Variants in TRAPPC12 observed in about 807,000 individuals in gnomAD.
TRAPPC12 encodes the protein trafficking protein particle complex subunit 12.
Under a neutral mutation model 69.2 loss-of-function variants are expected in TRAPPC12, and 61 were observed. The ratio of observed to expected loss-of-function variants is 0.88; its 90% CI spans 0.72 to 1.09. The LOEUF is 1.09. Ranked by LOEUF, TRAPPC12 falls within the 50% of genes least tolerant of loss-of-function variation. TRAPPC12 has a pLI of 0.00. For synonymous variants in TRAPPC12, 469 were observed against 438.9 expected (o/e 1.07, Z -0.86); for missense variants, 1,101 against 1,016.4 (o/e 1.08, Z -1.13).
chr2:3,419,063 G>T (rs112144781), intron 3 of TRAPPC12, among the ~76,000 whole-genome samples: 1 of 152,072 alleles, frequency 6.6e-6, no homozygotes, highest in East Asian at 1.9e-4. Context: ...GCCTGCTCTC[G>T]CCTTGTTTTG....
At position 3,466,538 on chromosome 2, in the gene TRAPPC12, C is replaced by T. The variant is rs4246576; in HGVS notation, c.1776+843C>T. ...GGGGAAGCTAGAATTTGAACAGGGCCTCTGTGAACTCAGGGCCTGCACTCT... is the reference window on the plus strand; with the variant it reads ...GGGGAAGCTAGAATTTGAACAGGGCTTCTGTGAACTCAGGGCCTGCACTCT... On this transcript the variant is annotated intron_variant, in intron 9 of 11. Transcript: ENST00000324266. The T allele has an allele frequency of 5.6e-3, 2,216 of 397,066 alleles. 17 individuals are homozygous for T. The highest frequency in any genetic ancestry group is 9.7e-3 in the Non-Finnish European group (1,838 of 188,918). 24.6% of individuals were successfully genotyped at this position (397,066 alleles called of 1,614,324 possible).
chr2:3,465,754 T>C (rs1446629287), intron 9 of TRAPPC12, 59 bp downstream of exon 9: 1 of 1,121,956 alleles, frequency 8.9e-7, no homozygotes, highest in African/African-American at 1.5e-5. Flanking sequence ...TTTGCTCAGA[T>C]GGGCGACTGT....
In TRAPPC12 at chr2:3,471,603, A is replaced by G. The variant is rs569474896; in HGVS notation, c.1776+5908A>G. On this transcript the variant is annotated intron_variant, in intron 9 of 11. Coordinates refer to ENST00000324266, the MANE Select transcript of TRAPPC12 (RefSeq NM_016030.6). ...GTGGGAATTTCCAGTTCTGAAGGAAATCTGTGTTGTAAGCAAGATTGAAGT... is the reference window on the plus strand; with the variant it reads ...GTGGGAATTTCCAGTTCTGAAGGAAGTCTGTGTTGTAAGCAAGATTGAAGT... Among the ~76,000 whole-genome samples the G allele has an allele frequency of 3.0e-4, 46 of 152,318 alleles. No homozygotes were observed. In the South Asian group the frequency reaches 8.9e-3, roughly 29 times the overall value.
At chr2:3,412,668 G>A (rs921297020) in intron 3 of TRAPPC12, among the ~76,000 whole-genome samples, 1 of 152,178 alleles carries the variant, frequency 6.6e-6, no homozygotes, top group Non-Finnish European at 1.5e-5. Flanking sequence ...TGAGGGCTCG[G>A]CGACACAGAG....
chr2:3,391,233 T>G (rs999963451), intron 2 of TRAPPC12, among the ~76,000 whole-genome samples: 2 of 152,176 alleles, frequency 1.3e-5, no homozygotes, highest in African/African-American at 4.8e-5. Context: ...CGTGTCTGTC[T>G]TCCTGAAACT....
intron 6 of TRAPPC12, chr2:3,455,824 A>G (rs2103129274): frequency 6.6e-6 from 1 of 152,322 alleles, no homozygotes; most frequent in South Asian, 2.1e-4. Context: ...GTGTGCAGTG[A>G]TCTCTGATAG....
At chr2:3,461,527 T>A (rs1665500517) in intron 8 of TRAPPC12, among the ~76,000 whole-genome samples, 1 of 152,242 alleles carries the variant, frequency 6.6e-6, no homozygotes, top group East Asian at 1.9e-4. Flanking sequence ...GGCATAGATC[T>A]GAGATCTCTG....
intron 3 of TRAPPC12, chr2:3,421,615 T>G: frequency 1.5e-6 from 1 of 674,348 alleles, no homozygotes; most frequent in East Asian, 3.0e-5. Context: ...GTTCTATCGG[T>G]TGTTGAATTG....
chr2:3,392,770 G>A (rs1054186515), intron 2 of TRAPPC12, among the ~76,000 whole-genome samples: 1 of 152,212 alleles, frequency 6.6e-6, no homozygotes, highest in Admixed American at 6.5e-5. Flanking sequence ...TGGAAAACAT[G>A]GAGGTGCCCG....
At chr2:3,429,801 A>G (rs1228201308) in intron 5 of TRAPPC12, among the ~76,000 whole-genome samples, 1 of 152,270 alleles carries the variant, frequency 6.6e-6, no homozygotes, top group Non-Finnish European at 1.5e-5. Flanking sequence ...TTTGCTCAAC[A>G]AAAATTGATG....
intron 3 of TRAPPC12, among the ~76,000 whole-genome samples, chr2:3,404,370 T>G (rs1250413055): frequency 6.6e-6 from 1 of 152,204 alleles, no homozygotes; most frequent in Non-Finnish European, 1.5e-5. Flanking sequence ...CCTCCCCATT[T>G]TACTCAAAAG....
intron 6 of TRAPPC12, among the ~76,000 whole-genome samples, chr2:3,447,132 G>A (rs983901585): frequency 2.7e-5 from 4 of 150,440 alleles, no homozygotes; most frequent in African/African-American, 4.9e-5. Context: ...GCGGAGTCTC[G>A]TTCTGTCACC....
intron 3 of TRAPPC12, among the ~76,000 whole-genome samples, chr2:3,406,161 A>G (rs1661719033): frequency 2.0e-5 from 3 of 152,098 alleles, no homozygotes; most frequent in East Asian, 3.9e-4. Context: ...ACGCTCCCCA[A>G]GCTGTGGAAC....
intron 3 of TRAPPC12, among the ~76,000 whole-genome samples, chr2:3,415,540 A>T (rs1434058019): frequency 6.7e-6 from 1 of 150,326 alleles, no homozygotes; most frequent in African/African-American, 2.5e-5. Context: ...AGTAGCTGGG[A>T]TTACAGGTGC....
intron 7 of TRAPPC12, chr2:3,458,061 ACAGAGG>A (rs1665270498): frequency 2.8e-6 from 1 of 356,752 alleles, no homozygotes; most frequent in African/African-American, 7.1e-4. Flanking sequence ...TGCGTCGGGG[ACAGAGG>A]CCTCTGCGTC....
In TRAPPC12 at chr2:3,401,887, G is replaced by C; in HGVS notation, c.1158G>C (p.Gln386His). ...SVEQSFVGLK[Q>H]LISCRNWRAA... ...AACAATCTTTTGTTGGATTGAAACA[G>C]CTAATCGTAAGTGACAATGTGTTTG... is the stretch of plus-strand genomic sequence containing the variant. The change falls in exon 3 of 12, where the codon CAG (glutamine) becomes CAC (histidine). Residue 386 changes from glutamine to histidine, a missense_variant. Physicochemically the swap from Gln to His is conservative, Grantham distance 24. Transcript: ENST00000324266. The C allele has an allele frequency of 6.3e-7, 1 of 1,577,412 alleles. No homozygotes were observed. Among genetic ancestry groups the C allele is most frequent in the Non-Finnish European group, 8.6e-7 (1 of 1,162,506 alleles).
chr2:3,424,185 A>G (rs940302144), intron 4 of TRAPPC12, among the ~76,000 whole-genome samples: 3 of 152,200 alleles, frequency 2.0e-5, no homozygotes, highest in Non-Finnish European at 2.9e-5. Flanking sequence ...TGAGTAAACA[A>G]TTATGTAAAA....
chr2:3,408,521 T>C (rs1410881441), intron 3 of TRAPPC12, among the ~76,000 whole-genome samples: 2 of 151,802 alleles, frequency 1.3e-5, no homozygotes, highest in Non-Finnish European at 2.9e-5. Flanking sequence ...CAGCTACTTG[T>C]GGGGCTGAGG....
At chr2:3,453,050 G>A (rs745429303) in intron 6 of TRAPPC12, among the ~76,000 whole-genome samples, 2 of 152,208 alleles carry the variant, frequency 1.3e-5, no homozygotes, top group Non-Finnish European at 2.9e-5. Flanking sequence ...TTGAACCCAC[G>A]TCTTCTGGCA....
Sources: allele counts gnomAD v4.1 joint callset (sites outside exome capture counted in the v4.1 genomes callset), GRCh38; gene constraint gnomAD v4.1.1; transcripts MANE v1.5; gene names NCBI Gene and HGNC (gene_info 2026-07-23, HGNC 2026-07-21).